Variants in CSNK1D observed in about 807,000 individuals in gnomAD.
CSNK1D encodes casein kinase 1 delta.
CSNK1D carries 16 observed loss-of-function variants against 46.6 expected under a neutral mutation model. The ratio of observed to expected loss-of-function variants is 0.34; its 90% CI spans 0.23 to 0.52. The LOEUF is 0.52. CSNK1D is among the 20% of genes least tolerant of loss of function. The probability of loss-of-function intolerance (pLI) is 0.95; values close to 1 mark genes in which losing one functional copy is unlikely to be tolerated. For synonymous variants in CSNK1D, 276 were observed against 228.2 expected (o/e 1.21, Z -1.89); for missense variants, 398 against 578.4 (o/e 0.69, Z 3.20).
At chr17:82,244,954 C>T (rs1038445427) in intron 8 of CSNK1D, 123 bp from the exon 9 acceptor site, 19 of 1,274,880 alleles carry the variant, frequency 1.5e-5, no homozygotes, top group African/African-American at 4.4e-5. Flanking sequence ...CCAGTCTAGA[C>T]GCCTGCGTCC....
chr17:82,248,602 G>C lies in CSNK1D; in HGVS notation c.1197+273C>G. On this transcript the variant is annotated intron_variant, in intron 8 of 8. Coordinates refer to ENST00000314028, the MANE Select transcript of CSNK1D (RefSeq NM_001893.6). The surrounding 1 kb of genome is among the most constrained non-coding windows in gnomAD (Gnocchi z 4.1). ...GGGCAGCGGGGCACTCAAACAGCAG[G>C]AGAAAGCCCCCACGGTTTGCTGGCC... is the stretch of plus-strand genomic sequence containing the variant. 1.5e-6 allele frequency: 2 copies of C among 1,311,850 alleles called. No individual in the cohort carries two copies. The allele number at this position is 1,311,850 out of a possible 1,614,324, so 81.3% of individuals were successfully genotyped here.
intron 2 of CSNK1D, among the ~76,000 whole-genome samples, chr17:82,264,432 G>C (rs961745291): frequency 6.6e-6 from 1 of 152,192 alleles, no homozygotes; most frequent in African/African-American, 2.4e-5. Flanking sequence ...CAGGGAACTC[G>C]CAAGAGCTGG....
At position 82,248,595 on chromosome 17, in the gene CSNK1D, A is replaced by C; in HGVS notation, c.1197+280T>G. 7.8e-7 allele frequency: 1 copy of C among 1,286,524 alleles called. No homozygotes were observed. The allele number at this position is 1,286,524 out of a possible 1,614,324, so 79.7% of individuals were successfully genotyped here. On this transcript the variant is annotated intron_variant, in intron 8 of 8. Coordinates refer to ENST00000314028, the MANE Select transcript of CSNK1D (RefSeq NM_001893.6). The surrounding 1 kb of genome is among the most constrained non-coding windows in gnomAD (Gnocchi z 4.1). ...CGGCTGCGGGCAGCGGGGCACTCAA[A>C]CAGCAGGAGAAAGCCCCCACGGTTT...
Position 82,244,288 on chromosome 17 carries a change from C to T in CSNK1D, c.*493G>A. 1 of 1,106,494 alleles carries T rather than the reference C, an allele frequency of 9.0e-7. No homozygotes were observed. Among genetic ancestry groups the T allele is most frequent in the Non-Finnish European group, 1.1e-6 (1 of 899,892 alleles). 68.5% of individuals were successfully genotyped at this position (1,106,494 alleles called of 1,614,324 possible). A position where few individuals can be genotyped will look rare whatever the true frequency, so the allele number is the denominator to read the frequency against. On this transcript the variant is annotated 3_prime_UTR_variant, in exon 9 of 9. Transcript: ENST00000314028. ...CCTCATACACTAACTCCAAGCCAGC[C>T]TGTCTCAGAATTCCTTAGTCAACAT... is the stretch of plus-strand genomic sequence containing the variant.
Position 82,249,623 on chromosome 17 carries a change from G to C in CSNK1D, c.886-21C>G. ...GCACCCTGAGGAGGCAGGAGGTGAG[G>C]CCGGAATGGAACCAGCTTTGGCAGA... On this transcript the variant is annotated intron_variant, in intron 6 of 8. Coordinates refer to ENST00000314028, the MANE Select transcript of CSNK1D (RefSeq NM_001893.6). This position sits in a 1 kb window ranked among gnomAD's most constrained non-coding sequence, Gnocchi z 6.7. 1.3e-6 allele frequency: 2 copies of C among 1,557,214 alleles called. No individual in the cohort carries two copies. The highest frequency in any genetic ancestry group is 1.7e-6 in the Non-Finnish European group (2 of 1,156,902).
Position 82,253,117 on chromosome 17 carries a change from T to C in CSNK1D, c.464A>G (p.Lys155Arg), listed in dbSNP as rs2051055409. The change falls in exon 4 of 9, where the codon AAG becomes AGG. Residue 155 changes from lysine to arginine, a missense_variant. Coordinates refer to ENST00000314028, the MANE Select transcript of CSNK1D (RefSeq NM_001893.6). ...CTGGTGGGTGCGTGCATCCCGGTAC[T>C]TCTTGGCCAGCCCGAAGTCGATGAT... ...VYIIDFGLAK[K>R]YRDARTHQHI... The C allele has an allele frequency of 1.2e-6, 2 of 1,614,118 alleles. No homozygotes were observed. The highest frequency in any genetic ancestry group is 1.3e-5 in the African/African-American group (1 of 74,942).
At chr17:82,241,784 C>G (rs1335951844), downstream of CSNK1D, among the ~76,000 whole-genome samples, 2 of 152,162 alleles carry the variant, frequency 1.3e-5, no homozygotes, top group Non-Finnish European at 2.9e-5. Context: ...AGAGGAAGGG[C>G]CTGGGAGGAG....
rs1831546108 is a variant in CSNK1D, at chr17:82,243,887, T to C, written c.*894A>G. ...GAAACGCATCTTCCACCTTGAATCC[T>C]GGGACTCCCAATTGTCCTGCTAGGG... On this transcript the variant is annotated 3_prime_UTR_variant, in exon 9 of 9. Coordinates refer to ENST00000314028, the MANE Select transcript of CSNK1D (RefSeq NM_001893.6). 2 of 985,572 alleles carry C rather than the reference T, an allele frequency of 2.0e-6. No homozygotes were observed. The highest frequency in any genetic ancestry group is 1.7e-5 in the African/African-American group (1 of 57,252). The allele number at this position is 985,572 out of a possible 1,614,324, so 61.1% of individuals were successfully genotyped here.
chr17:82,244,553 T>TAC lies in CSNK1D; in HGVS notation c.*226_*227dup. On this transcript the variant is annotated 3_prime_UTR_variant, in exon 9 of 9. Coordinates refer to ENST00000314028, the MANE Select transcript of CSNK1D (RefSeq NM_001893.6). ...TCTCTGCTTTTCTTCCCAGCCCCGT[T>TAC]ACAACCGAGTTCACGTGGGGGGCCG... is the stretch of plus-strand genomic sequence containing the variant. 6.8e-7 allele frequency: 1 copy of TAC among 1,475,598 alleles called. No homozygotes were observed. Among genetic ancestry groups the TAC allele is most frequent in the Non-Finnish European group, 9.0e-7 (1 of 1,114,028 alleles). The allele number at this position is 1,475,598 out of a possible 1,614,324, so 91.4% of individuals were successfully genotyped here.
At position 82,242,836 on chromosome 17, in the gene CSNK1D, G is replaced by A. The variant is rs1274642504; in HGVS notation, c.*1945C>T. On this transcript the variant is annotated 3_prime_UTR_variant, in exon 9 of 9. Transcript: ENST00000314028. ...GGGGACTAGATACTGGGCAAGGACT[G>A]TCACAAGCACTCCGAAGACGCGACC... 1 of 985,000 alleles carries A rather than the reference G, an allele frequency of 1.0e-6. No homozygotes were observed. Among genetic ancestry groups the A allele is most frequent in the African/African-American group, 1.7e-5 (1 of 57,236 alleles). 61.0% of individuals were successfully genotyped at this position (985,000 alleles called of 1,614,324 possible). A position where few individuals can be genotyped will look rare whatever the true frequency, so the allele number is the denominator to read the frequency against.
intron 1 of CSNK1D, among the ~76,000 whole-genome samples, chr17:82,268,107 C>G (rs9907654): frequency 2.6e-5 from 4 of 152,222 alleles, no homozygotes; most frequent in African/African-American, 9.6e-5. Flanking sequence ...AAGGTCGCCC[C>G]GAGTCTCTAC....
At position 82,255,666 on chromosome 17, in the gene CSNK1D, G is replaced by C; in HGVS notation, c.188-89C>G. 2 of 1,527,288 alleles carry C rather than the reference G, an allele frequency of 1.3e-6. No homozygotes were observed. Among genetic ancestry groups the C allele is most frequent in the Non-Finnish European group, 1.8e-6 (2 of 1,103,660 alleles). 94.6% of individuals were successfully genotyped at this position (1,527,288 alleles called of 1,614,324 possible). On this transcript the variant is annotated intron_variant, in intron 2 of 8. Coordinates refer to ENST00000314028, the MANE Select transcript of CSNK1D (RefSeq NM_001893.6). This position sits in a 1 kb window ranked among gnomAD's most constrained non-coding sequence, Gnocchi z 5.9. ...GCACTGTGCACACCAAGGGGTCATGGTGACAATCCTGAACGGGGGAGGGGT... is the reference window on the plus strand; with the variant it reads ...GCACTGTGCACACCAAGGGGTCATGCTGACAATCCTGAACGGGGGAGGGGT...
chr17:82,262,408 C>T (rs1182347880), intron 2 of CSNK1D, among the ~76,000 whole-genome samples: 1 of 152,214 alleles, frequency 6.6e-6, no homozygotes, highest in Non-Finnish European at 1.5e-5. Flanking sequence ...CTGCTATGGG[C>T]AGTGACCAGT....
At position 82,255,473 on chromosome 17, in the gene CSNK1D, T is replaced by C; in HGVS notation, c.292A>G (p.Arg98Gly). The C allele has an allele frequency of 6.2e-7, 1 of 1,614,188 alleles. No homozygotes were observed. The highest frequency in any genetic ancestry group is 8.5e-7 in the Non-Finnish European group (1 of 1,180,036). The change falls in exon 3 of 9, where the codon AGG becomes GGG. Residue 98 changes from arginine to glycine, a missense_variant. Around this residue, in one of 2 missense-constraint regions of CSNK1D, gnomAD observed 217 missense variants for 370.3 expected, o/e 0.59. Transcript: ENST00000314028. This position sits in a 1 kb window ranked among gnomAD's most constrained non-coding sequence, Gnocchi z 5.9. ...SLEDLFNFCS[R>G]KFSLKTVLLL... The stretch of plus-strand genomic sequence containing the variant: ...AGGACGGTTTTGAGGCTGAATTTCC[T>C]GGAGCAGAAGTTGAAGAGGTCCTCC...
chr17:82,251,246 T>C lies in CSNK1D; in HGVS notation c.885+133A>G. ...CCCACTCAGTCCAGGTCCTGCCCACTACACACTTGCCCTTCACAACCAGAG... is the reference window on the plus strand; with the variant it reads ...CCCACTCAGTCCAGGTCCTGCCCACCACACACTTGCCCTTCACAACCAGAG... On this transcript the variant is annotated intron_variant, in intron 6 of 8. Transcript: ENST00000314028. This position sits in a 1 kb window ranked among gnomAD's most constrained non-coding sequence, Gnocchi z 4.5. 2 of 1,092,448 alleles carry C rather than the reference T, an allele frequency of 1.8e-6. No homozygotes were observed. The highest frequency in any genetic ancestry group is 5.4e-4 in the Middle Eastern group (2 of 3,692). The allele number at this position is 1,092,448 out of a possible 1,614,324, so 67.7% of individuals were successfully genotyped here.
chr17:82,265,095 G>A (rs1219406705), intron 2 of CSNK1D, among the ~76,000 whole-genome samples: 2 of 151,932 alleles, frequency 1.3e-5, no homozygotes, highest in African/African-American at 4.8e-5. Context: ...CACTGCGTCT[G>A]GCCTATTCAC....
Position 82,265,732 on chromosome 17 carries a change from A to C in CSNK1D, c.141T>G (p.Pro47=), listed in dbSNP as rs149731846. Reference sequence around the variant, plus strand: ...AGATTTTGCTCTCAATGTGGAGCTGAGGGTGTTTGGTTTTGACACATTCAA... The same window carrying C: ...AGATTTTGCTCTCAATGTGGAGCTGCGGGTGTTTGGTTTTGACACATTCAA... ...IKLECVKTKH[P]QLHIESKIYK... Residue 47 remains proline, a synonymous_variant, in exon 2 of 9, where the codon CCT becomes CCG. Transcript: ENST00000314028. The C allele has an allele frequency of 3.0e-5, 49 of 1,614,170 alleles. No homozygotes were observed. In the African/African-American group the frequency reaches 5.9e-4, roughly 19 times the overall value.
downstream of CSNK1D, chr17:82,239,219 C>T (rs1378202504): frequency 2.2e-5 from 7 of 321,236 alleles, no homozygotes; most frequent in Non-Finnish European, 2.8e-5. Context: ...CCAGGGGCCC[C>T]GCCTGCTGCT....
rs2050788694 is a variant in CSNK1D, at chr17:82,244,005, C to T, written c.*776G>A. ...TTGCCTGGTAACACCCACTGCACCC[C>T]TGCCCCGCGGCAGCCTGCGGTCCCT... On this transcript the variant is annotated 3_prime_UTR_variant, in exon 9 of 9. Transcript: ENST00000314028. 1.0e-6 allele frequency: 1 copy of T among 987,154 alleles called. No homozygotes were observed. The highest frequency in any genetic ancestry group is 1.7e-5 in the African/African-American group (1 of 57,234). 61.1% of individuals were successfully genotyped at this position (987,154 alleles called of 1,614,324 possible).
Sources: allele counts gnomAD v4.1 joint callset (sites outside exome capture counted in the v4.1 genomes callset), GRCh38; gene constraint gnomAD v4.1.1; regional missense constraint gnomAD v4.1.1; non-coding constraint Gnocchi (gnomAD v3.1); transcripts MANE v1.5; gene names NCBI Gene and HGNC (gene_info 2026-07-23, HGNC 2026-07-21).